ARHGEF12: variants seen among roughly 807,000 people sequenced by gnomAD.
ARHGEF12 encodes the protein Rho guanine nucleotide exchange factor 12, also known as KMT2A/ARHGEF12 fusion protein.
In ARHGEF12, 66 loss-of-function variants were observed where a neutral mutation model predicts 211.2. The ratio of observed to expected loss-of-function variants is 0.31; its 90% CI spans 0.26 to 0.38. ARHGEF12 has a LOEUF of 0.38. Ranked by LOEUF, ARHGEF12 falls within the 10% of genes least tolerant of loss-of-function variation. The pLI is 1.00. For missense variants in ARHGEF12, 1,429 were observed against 1,869.5 expected (o/e 0.76, Z 4.34); for synonymous variants, 592 against 638.4 (o/e 0.93, Z 1.09).
chr11:120,487,543 G>A lies in ARHGEF12; in HGVS notation c.*2466G>A, dbSNP rs1280857934. On this transcript the variant is annotated 3_prime_UTR_variant, in exon 41 of 41. Transcript: ENST00000397843. ...CTTTGGTTGTGACATCTTCCTTTCA[G>A]GATGATGGAATTAGATGCAGTCTGT... The A allele has an allele frequency of 4.7e-6, 1 of 213,998 alleles. No homozygotes were observed. The highest frequency in any genetic ancestry group is 2.3e-5 in the African/African-American group (1 of 44,226). The allele number at this position is 213,998 out of a possible 1,614,324, so 13.3% of individuals were successfully genotyped here.
intron 1 of ARHGEF12, among the ~76,000 whole-genome samples, chr11:120,369,125 CTTTTTTT>C (rs1183494101): frequency 1.6e-5 from 2 of 127,320 alleles, no homozygotes; most frequent in Non-Finnish European, 3.4e-5. Context: ...TTCTTTTCTT[CTTTTTTT>C]TTTTTTTTTT....
chr11:120,365,593 T>C (rs1943401069), intron 1 of ARHGEF12: 1 of 152,236 alleles, frequency 6.6e-6, no homozygotes, highest in Admixed American at 6.5e-5. Flanking sequence ...CCTTTTATAC[T>C]TCAATTCTTT....
At chr11:120,383,219 G>A (rs1054014962) in intron 1 of ARHGEF12, among the ~76,000 whole-genome samples, 2 of 152,096 alleles carry the variant, frequency 1.3e-5, no homozygotes, top group Non-Finnish European at 2.9e-5. Context: ...CTGTGAAGAA[G>A]TTAAGAGTGT....
At position 120,458,395 on chromosome 11, in the gene ARHGEF12, T is replaced by C. The variant is rs1946427301; in HGVS notation, c.2380+161T>C. On this transcript the variant is annotated intron_variant, in intron 25 of 40. Coordinates refer to ENST00000397843, the MANE Select transcript of ARHGEF12 (RefSeq NM_015313.3). ...CAGATAATCCTTGAACTCAAGAAAA[T>C]GCAAATGTTTCTCTGATTCTTATTG... is the stretch of plus-strand genomic sequence containing the variant. 16 of 687,304 alleles carry C rather than the reference T, an allele frequency of 2.3e-5. 2 individuals are homozygous for C. In the South Asian group the frequency reaches 3.2e-4, roughly 14 times the overall value. 42.6% of individuals were successfully genotyped at this position (687,304 alleles called of 1,614,324 possible).
chr11:120,462,887 C>T (rs1438274531), intron 27 of ARHGEF12: 2 of 152,058 alleles, frequency 1.3e-5, no homozygotes, highest in Admixed American at 6.5e-5. Flanking sequence ...CAATAGAAAC[C>T]ATACTTTGAA....
intron 1 of ARHGEF12, among the ~76,000 whole-genome samples, chr11:120,371,462 T>G (rs758750485): frequency 6.6e-5 from 10 of 152,218 alleles, no homozygotes; most frequent in Non-Finnish European, 1.3e-4. Context: ...CACTCCAGCC[T>G]GGTAACAAGA....
chr11:120,478,352 C>G lies in ARHGEF12; in HGVS notation c.3729C>G (p.Val1243=), dbSNP rs772941120. 3.1e-6 allele frequency: 5 copies of G among 1,614,060 alleles called. No homozygotes were observed. The highest frequency in any genetic ancestry group is 2.2e-5 in the South Asian group (2 of 91,086). The stretch of plus-strand genomic sequence containing the variant: ...CAATCCCAGATTCACACCTGCCTGT[C>G]TCAGAAGAACGGTGGGCATTGGATG... ...QIAIPDSHLP[V]SEERWALDAL... is the part of the protein sequence containing the mutation. Residue 1243 remains valine, a synonymous_variant, in exon 37 of 41, where the codon GTC becomes GTG. Coordinates refer to ENST00000397843, the MANE Select transcript of ARHGEF12 (RefSeq NM_015313.3).
intron 15 of ARHGEF12, 107 bp downstream of exon 15, chr11:120,442,309 A>C: frequency 1.4e-6 from 1 of 712,404 alleles, no homozygotes; most frequent in East Asian, 3.0e-5. Flanking sequence ...GTGCTTTCTC[A>C]CACCTGTATT....
intron 11 of ARHGEF12, among the ~76,000 whole-genome samples, chr11:120,435,649 G>C (rs1248256179): frequency 6.6e-6 from 1 of 151,570 alleles, no homozygotes; most frequent in Non-Finnish European, 1.5e-5. Flanking sequence ...CGAGTAGCTG[G>C]GACTACAGGT....
chr11:120,355,637 C>T (rs1943111048), intron 1 of ARHGEF12, among the ~76,000 whole-genome samples: 1 of 152,144 alleles, frequency 6.6e-6, no homozygotes, highest in Non-Finnish European at 1.5e-5. Context: ...AGCCCAGGAG[C>T]TCCAGGCTGC....
intron 1 of ARHGEF12, among the ~76,000 whole-genome samples, chr11:120,398,377 G>A (rs1461564333): frequency 6.6e-6 from 1 of 152,128 alleles, no homozygotes; most frequent in Non-Finnish European, 1.5e-5. Context: ...GTGCTGTGGT[G>A]AGCCATTGTT....
At chr11:120,370,359 A>G (rs2135406692) in intron 1 of ARHGEF12, among the ~76,000 whole-genome samples, 1 of 152,300 alleles carries the variant, frequency 6.6e-6, no homozygotes, top group East Asian at 1.9e-4. Flanking sequence ...CTATTTCTGT[A>G]CCGACACCAA....
intron 1 of ARHGEF12, among the ~76,000 whole-genome samples, chr11:120,399,343 A>AAAAAAAAAG (rs1565453324): frequency 2.7e-5 from 4 of 147,718 alleles, no homozygotes; most frequent in African/African-American, 7.6e-5. Context: ...AAAAAAAAAA[A>AAAAAAAAAG]AAAAAAAAGA....
chr11:120,405,147 C>T (rs1944660836), intron 1 of ARHGEF12, among the ~76,000 whole-genome samples: 1 of 152,100 alleles, frequency 6.6e-6, no homozygotes, highest in Non-Finnish European at 1.5e-5. Flanking sequence ...GAAATGTAGT[C>T]ATTGAAGTAT....
At chr11:120,467,436 T>A in intron 29 of ARHGEF12, 128 bp downstream of exon 29, 3 of 465,550 alleles carry the variant, frequency 6.4e-6, no homozygotes, top group Non-Finnish European at 7.4e-6. Flanking sequence ...AGATTTTCTT[T>A]TTTTTTTTTT....
At chr11:120,371,267 T>A (rs930937628) in intron 1 of ARHGEF12, among the ~76,000 whole-genome samples, 5 of 152,226 alleles carry the variant, frequency 3.3e-5, no homozygotes, top group African/African-American at 1.2e-4. Flanking sequence ...GGCGGGCGGA[T>A]CACCTGAGGT....
intron 6 of ARHGEF12, 87 bp from the exon 7 acceptor site, chr11:120,424,271 T>G: frequency 1.2e-6 from 1 of 857,386 alleles, no homozygotes; most frequent in Non-Finnish European, 1.9e-6. Context: ...TTATATTGGT[T>G]ATATTATGTA....
chr11:120,421,455 T>TTGG (rs1555109035), intron 5 of ARHGEF12, among the ~76,000 whole-genome samples: 1 of 99,926 alleles, frequency 1.0e-5, no homozygotes, highest in African/African-American at 3.9e-5. Flanking sequence ...TTTTTTTTTT[T>TTGG]GGAGATGGAG....
At chr11:120,354,851 C>G (rs992678450) in intron 1 of ARHGEF12, among the ~76,000 whole-genome samples, 2 of 152,156 alleles carry the variant, frequency 1.3e-5, no homozygotes, top group African/African-American at 2.4e-5. Flanking sequence ...TCGAAGGAGT[C>G]GTATAGATGT....
Sources: allele counts gnomAD v4.1 joint callset (sites outside exome capture counted in the v4.1 genomes callset), GRCh38; gene constraint gnomAD v4.1.1; transcripts MANE v1.5; gene names NCBI Gene and HGNC (gene_info 2026-07-23, HGNC 2026-07-21).